Variants in ADGRB3 observed in about 807,000 individuals in gnomAD.
ADGRB3 encodes adhesion G protein-coupled receptor B3, also known as brain-specific angiogenesis inhibitor 3.
A neutral mutation model predicts 193.4 loss-of-function variants in ADGRB3; 37 were observed. That is an observed-to-expected ratio of 0.19 (90% CI 0.15 to 0.25). ADGRB3 has a LOEUF of 0.25. Among genes scored for constraint, ADGRB3 ranks in the 10% least tolerant of loss-of-function variants. The pLI is 1.00. For missense variants in ADGRB3, 1,637 were observed against 1,852.9 expected (o/e 0.88, Z 2.14); for synonymous variants, 690 against 644.2 (o/e 1.07, Z -1.08).
At chr6:69,281,888 T>C (rs1479579052) in intron 20 of ADGRB3, among the ~76,000 whole-genome samples, 1 of 152,204 alleles carries the variant, frequency 6.6e-6, no homozygotes, top group African/African-American at 2.4e-5. Flanking sequence ...AAATCCCTGA[T>C]GTCCAGGCTA....
At chr6:68,953,893 G>C (rs7754659) in intron 6 of ADGRB3, among the ~76,000 whole-genome samples, 45,141 of 152,036 alleles carry the variant, frequency 0.3, 7,174 homozygotes, top group Middle Eastern at 0.43. Context: ...CTTTAGATTT[G>C]TGGTGAATTC....
intron 3 of ADGRB3, among the ~76,000 whole-genome samples, chr6:68,720,836 G>A (rs1009334455): frequency 5.9e-5 from 9 of 151,724 alleles, no homozygotes; most frequent in African/African-American, 2.2e-4. Context: ...AGTTGTTTCT[G>A]CTGTTACCTT....
chr6:68,978,610 A>T (rs1768818868), intron 10 of ADGRB3, among the ~76,000 whole-genome samples: 1 of 151,494 alleles, frequency 6.6e-6, no homozygotes, highest in Non-Finnish European at 1.5e-5. Flanking sequence ...CAGAAATGAG[A>T]TCAACATTTC....
chr6:69,068,964 T>C (rs536981781), intron 16 of ADGRB3, among the ~76,000 whole-genome samples: 1 of 152,118 alleles, frequency 6.6e-6, no homozygotes, highest in Non-Finnish European at 1.5e-5. Context: ...GTTTGTCTAG[T>C]TTTCAATGTG....
intron 3 of ADGRB3, among the ~76,000 whole-genome samples, chr6:68,865,317 A>AT (rs1191217717): frequency 1.3e-5 from 2 of 152,178 alleles, no homozygotes; most frequent in African/African-American, 4.8e-5. Flanking sequence ...TTAAAATTAC[A>AT]TTTTCTCTTT....
chr6:69,292,510 T>C (rs935267434), intron 20 of ADGRB3, among the ~76,000 whole-genome samples: 1 of 152,144 alleles, frequency 6.6e-6, no homozygotes, highest in African/African-American at 2.4e-5. Flanking sequence ...ATATATTTGT[T>C]TTATATGGCA....
At chr6:68,974,705 T>A (rs1768690565) in intron 8 of ADGRB3, 58 bp from the exon 9 acceptor site, 1 of 1,464,196 alleles carries the variant, frequency 6.8e-7, no homozygotes, top group East Asian at 2.3e-5. Flanking sequence ...GACAATTGTT[T>A]ATTGCCAAAA....
At chr6:68,663,491 T>C (rs994885974) in intron 3 of ADGRB3, among the ~76,000 whole-genome samples, 2 of 151,770 alleles carry the variant, frequency 1.3e-5, no homozygotes, top group African/African-American at 4.8e-5. Context: ...CAACCAATTT[T>C]GTACCTTTTT....
At chr6:69,015,185 G>T (rs1770052760) in intron 12 of ADGRB3, among the ~76,000 whole-genome samples, 1 of 151,930 alleles carries the variant, frequency 6.6e-6, no homozygotes, top group African/African-American at 2.4e-5. Context: ...TTTCTAGGCT[G>T]CTAGAGACTA....
intron 3 of ADGRB3, among the ~76,000 whole-genome samples, chr6:68,857,637 T>G (rs964883297): frequency 1.3e-5 from 2 of 152,232 alleles, no homozygotes; most frequent in Non-Finnish European, 2.9e-5. Flanking sequence ...TTTTACAGAC[T>G]CATAGGCAGA....
intron 29 of ADGRB3, among the ~76,000 whole-genome samples, chr6:69,362,427 A>G (rs894249610): frequency 7.2e-5 from 11 of 151,962 alleles, no homozygotes; most frequent in African/African-American, 2.7e-4. Context: ...CAAGTGTCCA[A>G]AAGTTCCCAG....
chr6:69,099,575 A>G (rs1772976424), intron 17 of ADGRB3, among the ~76,000 whole-genome samples: 1 of 152,166 alleles, frequency 6.6e-6, no homozygotes, highest in Non-Finnish European at 1.5e-5. Context: ...AACATCTTCT[A>G]AAAACACAAT....
At chr6:68,979,311 A>C (rs187112876) in intron 10 of ADGRB3, among the ~76,000 whole-genome samples, 1 of 151,580 alleles carries the variant, frequency 6.6e-6, no homozygotes, top group Non-Finnish European at 1.5e-5. Context: ...CATGAAAGGA[A>C]CAAGTATAAG....
intron 31 of ADGRB3, 78 bp from the exon 32 acceptor site, chr6:69,388,625 G>T (rs1034436590): frequency 3.0e-6 from 4 of 1,340,494 alleles, no homozygotes; most frequent in Non-Finnish European, 2.0e-6. Flanking sequence ...TTACAAACAC[G>T]CTCTCTTCCT....
chr6:69,032,024 G>A (rs73745924), intron 13 of ADGRB3, among the ~76,000 whole-genome samples: 3,074 of 152,218 alleles, frequency 0.02, 87 homozygotes, highest in African/African-American at 0.06. Context: ...GAAGTGTTGC[G>A]TAAAGGGGTT....
intron 6 of ADGRB3, among the ~76,000 whole-genome samples, chr6:68,944,822 A>G (rs1767733931): frequency 6.6e-6 from 1 of 152,212 alleles, no homozygotes; most frequent in Admixed American, 6.6e-5. Flanking sequence ...CATTTTAAAG[A>G]AAGAGATAGA....
chr6:68,975,977 T>G (rs1431415631), intron 10 of ADGRB3, among the ~76,000 whole-genome samples: 1 of 152,184 alleles, frequency 6.6e-6, no homozygotes, highest in Admixed American at 6.5e-5. Context: ...TCATTGTCAT[T>G]ACTGCAGACT....
intron 3 of ADGRB3, among the ~76,000 whole-genome samples, chr6:68,721,385 C>T (rs1327850267): frequency 6.6e-6 from 1 of 150,474 alleles, no homozygotes; most frequent in Admixed American, 6.7e-5. Flanking sequence ...GACAAAAAAC[C>T]AAACACTGCG....
At chr6:68,922,684 A>G (rs10945148) in intron 3 of ADGRB3, among the ~76,000 whole-genome samples, 116,665 of 152,076 alleles carry the variant, frequency 0.77, 46,233 homozygotes, top group Non-Finnish European at 0.88. Context: ...TTGCAGGAGG[A>G]GGAAACAGGT....
Sources: gnomAD v4.1 joint callset for allele counts (sites outside exome capture counted in the v4.1 genomes callset) on GRCh38, gnomAD v4.1.1 for gene constraint, MANE v1.5 for transcripts, NCBI Gene and HGNC (gene_info 2026-07-23, HGNC 2026-07-21) for gene names.